AKAP9: variants seen among roughly 807,000 people sequenced by gnomAD.
AKAP9 encodes the protein A-kinase anchor protein 9.
AKAP9 carries 311 observed loss-of-function variants against 488.5 expected under a neutral mutation model. The observed-to-expected ratio is 0.64, with a 90% CI of 0.58 to 0.70. AKAP9 has a LOEUF of 0.70. AKAP9 is among the 30% of genes least tolerant of loss of function. The pLI, the probability that AKAP9 is intolerant of heterozygous loss-of-function variation, is 0.00. For synonymous variants in AKAP9, 1,462 were observed against 1,483.5 expected, an observed-to-expected ratio of 0.99 and a Z score of 0.33; for missense variants, 4,215 against 4,374.5, an observed-to-expected ratio of 0.96 and a Z score of 1.03.
intron 1 of AKAP9, among the ~76,000 whole-genome samples, chr7:91,966,368 A>G (rs1410275865): frequency 1.3e-5 from 2 of 151,936 alleles, no homozygotes; most frequent in South Asian, 2.1e-4. Flanking sequence ...TTTTTTTTGT[A>G]TGTGGTAAGA....
At chr7:92,093,440 T>A (rs1354588438) in intron 39 of AKAP9, 124 bp downstream of exon 39, 3 of 824,930 alleles carry the variant, frequency 3.6e-6, no homozygotes, top group South Asian at 1.5e-5. Context: ...CTGTTTTTTT[T>A]AGGAAAAACT....
At chr7:92,060,777 T>C (rs1311066049) in intron 22 of AKAP9, among the ~76,000 whole-genome samples, 2 of 152,178 alleles carry the variant, frequency 1.3e-5, no homozygotes, top group Non-Finnish European at 2.9e-5. Flanking sequence ...ACTATCATTT[T>C]GTTAATTGAT....
At position 92,040,821 on chromosome 7, in the gene AKAP9, CG is replaced by C; in HGVS notation, c.4842del (p.Gln1615LysfsTer23). 1 of 1,613,660 alleles carries C rather than the reference CG, an allele frequency of 6.2e-7. No individual in the cohort carries two copies. Among genetic ancestry groups the C allele is most frequent in the Non-Finnish European group, 8.5e-7 (1 of 1,179,942 alleles). ...ATELLRQAHMRQMERQREDQE... is the reference protein window; with the variant it reads ...ATELLRQAHMXQMERQREDQE... ...GGAATTGTTAAGGCAAGCACATATG[CG>C]GCAAATGGAGAGACAGCGAGAAGAC... is the stretch of plus-strand genomic sequence containing the variant. On this transcript the variant is annotated frameshift_variant, in exon 18 of 50. Coordinates refer to ENST00000356239, the MANE Select transcript of AKAP9 (RefSeq NM_005751.5). LOFTEE classifies it high-confidence loss of function.
chr7:92,101,415 C>CCA (rs933449177), intron 45 of AKAP9, among the ~76,000 whole-genome samples: 53 of 149,598 alleles, frequency 3.5e-4, no homozygotes, highest in African/African-American at 1.3e-3. Context: ...CCAGCCTGGG[C>CCA]CACAGAGTGA....
Position 92,062,477 on chromosome 7 carries a change from G to T in AKAP9, c.5968G>T (p.Val1990Phe), listed in dbSNP as rs767058162. Residue 1990 changes from valine to phenylalanine, a missense_variant, in exon 24 of 50, where the codon GTT (valine) becomes TTT (phenylalanine). Transcript: ENST00000356239. ...KEAMKAEAGP[V>F]EQQLLQETEK... ...AGCTATGAAAGCAGAGGCAGGCCCA[G>T]TTGAACAACGTAAGTATTTTCAGAA... The T allele has an allele frequency of 6.2e-7, 1 of 1,612,734 alleles. No individual in the cohort carries two copies. The highest frequency in any genetic ancestry group is 8.5e-7 in the Non-Finnish European group (1 of 1,179,090).
At chr7:92,058,108 T>A (rs1809115372) in intron 22 of AKAP9, 3 of 529,868 alleles carry the variant, frequency 5.7e-6, no homozygotes, top group Middle Eastern at 3.1e-4. Context: ...AAAAAGAACT[T>A]TTTAATGTAT....
intron 47 of AKAP9, 107 bp from the exon 48 acceptor site, chr7:92,107,186 G>A: frequency 9.4e-7 from 1 of 1,068,048 alleles, no homozygotes; most frequent in Middle Eastern, 2.1e-4. Flanking sequence ...ATAGGAGATT[G>A]TATAATATAG....
rs1170766038 is a variant in AKAP9 at position 91,940,989 on chromosome 7, G to A, written c.-111G>A. The A allele has an allele frequency of 8.8e-7, 1 of 1,139,142 alleles. No individual in the cohort carries two copies. Among genetic ancestry groups the A allele is most frequent in the African/African-American group, 1.5e-5 (1 of 65,512 alleles). The allele number at this position is 1,139,142 out of a possible 1,614,324, so 70.6% of individuals were successfully genotyped here. A position where few individuals can be genotyped will look rare whatever the true frequency, so the allele number is the denominator to read the frequency against. On this transcript the variant is annotated 5_prime_UTR_variant, in exon 1 of 50. Transcript: ENST00000356239. ...GGGCGGGGGAGCGCCGGACCGAATC[G>A]GCTCTCTAGGCCGTGGAGCTTGCCG...
At chr7:91,992,030 G>C (rs746659583) in intron 3 of AKAP9, 128 bp from the exon 4 acceptor site, 7 of 768,780 alleles carry the variant, frequency 9.1e-6, no homozygotes, top group Non-Finnish European at 1.2e-5. Context: ...CTCTGTATCT[G>C]TTTTCGCCAA....
intron 1 of AKAP9, among the ~76,000 whole-genome samples, chr7:91,957,877 A>G (rs1012301503): frequency 5.9e-5 from 9 of 152,144 alleles, no homozygotes; most frequent in Admixed American, 2.0e-4. Flanking sequence ...TTTTGTTTCC[A>G]TAATAAAACT....
chr7:92,004,592 G>A (rs955323379), intron 8 of AKAP9, among the ~76,000 whole-genome samples: 3 of 152,136 alleles, frequency 2.0e-5, no homozygotes, highest in African/African-American at 4.8e-5. Flanking sequence ...GTGAATGGGA[G>A]TTCACTCATG....
rs754545304 is a variant in AKAP9 at position 92,110,104 on chromosome 7, C to T, written c.11687-18C>T. On this transcript the variant is annotated intron_variant, in intron 49 of 49. Coordinates refer to ENST00000356239, the MANE Select transcript of AKAP9 (RefSeq NM_005751.5). Reference sequence around the variant, plus strand: ...ATGTAATTTGAAATCAGTTGAATTTCCTGTTTTTCTCTCATAGGTTCAACT... The same window carrying T: ...ATGTAATTTGAAATCAGTTGAATTTTCTGTTTTTCTCTCATAGGTTCAACT... 6 of 1,590,022 alleles carry T rather than the reference C, an allele frequency of 3.8e-6. No homozygotes were observed. The South Asian group carries it at 6.7e-5, about 18-fold the overall frequency.
intron 3 of AKAP9, among the ~76,000 whole-genome samples, chr7:91,986,689 A>C (rs1313780258): frequency 6.6e-6 from 1 of 152,134 alleles, no homozygotes; most frequent in African/African-American, 2.4e-5. Flanking sequence ...AAATTAAAAA[A>C]CTGGTGGAGA....
intron 3 of AKAP9, among the ~76,000 whole-genome samples, chr7:91,982,553 G>A (rs1367502729): frequency 6.6e-6 from 1 of 152,116 alleles, no homozygotes; most frequent in Non-Finnish European, 1.5e-5. Flanking sequence ...AGTATTCCAT[G>A]ATATGTATGT....
intron 19 of AKAP9, 52 bp downstream of exon 19, chr7:92,042,238 ATTTG>A (rs1284108558): frequency 1.9e-6 from 3 of 1,610,636 alleles, no homozygotes; most frequent in Non-Finnish European, 2.5e-6. Flanking sequence ...ATTCAGTAGG[ATTTG>A]TTTGTCTTTG....
chr7:92,067,263 C>T (rs564612757), intron 26 of AKAP9, among the ~76,000 whole-genome samples: 279 of 152,310 alleles, frequency 1.8e-3, no homozygotes, highest in Non-Finnish European at 3.5e-3. Flanking sequence ...TAAGTTCCAG[C>T]ATTGGATATC....
At chr7:92,041,995 C>A in intron 18 of AKAP9, 51 bp from the exon 19 acceptor site, 1 of 1,597,804 alleles carries the variant, frequency 6.3e-7, no homozygotes, top group Non-Finnish European at 8.5e-7. Flanking sequence ...TATTTCTACC[C>A]TTTTTCTCTA....
rs368800819 is a variant in AKAP9, at chr7:92,062,254, C to G, written c.5765-20C>G. 83 of 1,588,414 alleles carry G rather than the reference C, an allele frequency of 5.2e-5. No individual in the cohort carries two copies. The highest frequency in any genetic ancestry group is 6.4e-5 in the Non-Finnish European group (74 of 1,157,608). ...TTGAAATGAATAATAGTTCTATTTT[C>G]TGTTAATTTTGTATTATAGGCGTCA... is the stretch of plus-strand genomic sequence containing the variant. On this transcript the variant is annotated intron_variant, in intron 23 of 49. Coordinates refer to ENST00000356239, the MANE Select transcript of AKAP9 (RefSeq NM_005751.5).
Position 91,987,055 on chromosome 7 carries a change from A to T in AKAP9, c.352-5103A>T, listed in dbSNP as rs1797187728. On this transcript the variant is annotated intron_variant, in intron 3 of 49. Transcript: ENST00000356239. Reference sequence around the variant, plus strand: ...CAGTTTCTTGTTAATGTTGGTCAAAAAAACTAAATTGATGAGCTATCTTAC... The same window carrying T: ...CAGTTTCTTGTTAATGTTGGTCAAATAAACTAAATTGATGAGCTATCTTAC... Among the ~76,000 whole-genome samples the T allele has an allele frequency of 1.3e-5, 2 of 152,182 alleles. 1 individual carries two copies. Among genetic ancestry groups the T allele is most frequent in the Non-Finnish European group, 2.9e-5 (2 of 68,038 alleles).
Sources: allele counts gnomAD v4.1 joint callset (sites outside exome capture counted in the v4.1 genomes callset), GRCh38; gene constraint gnomAD v4.1.1; transcripts MANE v1.5; gene names NCBI Gene and HGNC (gene_info 2026-07-23, HGNC 2026-07-21).